The following IQGAP2 variants were observed in gnomAD, a reference collection of about 807,000 sequenced individuals.
The protein encoded by IQGAP2 is IQ motif containing GTPase activating protein 2, also known as ras GTPase-activating-like protein IQGAP2.
A neutral mutation model predicts 201.3 loss-of-function variants in IQGAP2; 173 were observed. That is an observed-to-expected ratio of 0.86 (90% CI 0.76 to 0.98). The LOEUF (loss-of-function observed/expected upper bound fraction) is 0.98, where lower values mean the gene tolerates loss of function less well. Among genes scored for constraint, IQGAP2 ranks in the 50% least tolerant of loss-of-function variants. The pLI is 0.00. For synonymous variants in IQGAP2, 675 were observed against 673.9 expected, an observed-to-expected ratio of 1.00 and a Z score of -0.03; for missense variants, 1,687 against 1,864.8, an observed-to-expected ratio of 0.90 and a Z score of 1.76.
chr5:76,632,055 CTAAG>C (rs1561532571), intron 15 of IQGAP2, 29 bp downstream of exon 15: 16 of 1,532,758 alleles, frequency 1.0e-5, no homozygotes, highest in Non-Finnish European at 1.3e-5. Flanking sequence ...TTAGCACAAA[CTAAG>C]TATTTTAAAT....
chr5:76,496,322 G>A (rs1047022563), intron 2 of IQGAP2, among the ~76,000 whole-genome samples: 3 of 152,210 alleles, frequency 2.0e-5, no homozygotes, highest in African/African-American at 7.2e-5. Context: ...TGTAGGCTCA[G>A]CTAGAAAGGC....
In IQGAP2 at chr5:76,485,399, G is replaced by A. The variant is rs35130542; in HGVS notation, c.146+23730G>A. 3.0e-4 allele frequency among the ~76,000 whole-genome samples: 45 copies of A among 152,314 alleles called. 1 individual carries two copies. Among genetic ancestry groups the A allele is most frequent in the Non-Finnish European group, 5.1e-4 (35 of 68,038 alleles). On this transcript the variant is annotated intron_variant, in intron 2 of 35. Transcript: ENST00000274364. ...TAGTTTTAGGTTCTGATTTGCTGTG[G>A]TGTAGTGAGGACAGAATTTTTCTTT...
intron 1 of IQGAP2, among the ~76,000 whole-genome samples, chr5:76,458,064 C>A (rs1754209467): frequency 6.6e-6 from 1 of 152,312 alleles, no homozygotes; most frequent in African/African-American, 2.4e-5. Context: ...AGTGACAAGT[C>A]CCTTCCTGGG....
chr5:76,640,537 C>T (rs1170454608), intron 16 of IQGAP2, among the ~76,000 whole-genome samples: 10 of 152,176 alleles, frequency 6.6e-5, no homozygotes, highest in African/African-American at 2.4e-4. Flanking sequence ...AGTCTGAGGA[C>T]CTTATGGCCA....
chr5:76,476,128 G>C (rs1174867382), intron 2 of IQGAP2, among the ~76,000 whole-genome samples: 1 of 152,198 alleles, frequency 6.6e-6, no homozygotes, highest in Non-Finnish European at 1.5e-5. Flanking sequence ...GTATTTCCAG[G>C]TAGTGATAAC....
At position 76,675,485 on chromosome 5, in the gene IQGAP2, G is replaced by A. The variant is rs73125590; in HGVS notation, c.3527+776G>A. Among the ~76,000 whole-genome samples, 954 of 152,290 alleles carry A rather than the reference G, an allele frequency of 6.3e-3. 13 individuals are homozygous for A. The highest frequency in any genetic ancestry group is 0.021 in the African/African-American group (885 of 41,562). The stretch of plus-strand genomic sequence containing the variant: ...AAGCCTTTCTTAATGACACATGTAA[G>A]AAGATTTAATTCTATTGATTTTGTG... On this transcript the variant is annotated intron_variant, in intron 27 of 35. Coordinates refer to ENST00000274364, the MANE Select transcript of IQGAP2 (RefSeq NM_006633.5).
intron 1 of IQGAP2, among the ~76,000 whole-genome samples, chr5:76,446,080 G>T (rs574629638): frequency 6.7e-4 from 102 of 152,084 alleles, no homozygotes; most frequent in Non-Finnish European, 1.2e-3. Flanking sequence ...TTGCTTATCT[G>T]CTTGTCTGTT....
At chr5:76,559,691 G>C (rs1744202585) in intron 2 of IQGAP2, among the ~76,000 whole-genome samples, 1 of 152,112 alleles carries the variant, frequency 6.6e-6, no homozygotes, top group Admixed American at 6.5e-5. Context: ...TTCATTCGAT[G>C]TCATTTCCTC....
chr5:76,403,878 C>T lies in IQGAP2; in HGVS notation c.46+287C>T, dbSNP rs1019406622. On this transcript the variant is annotated intron_variant, in intron 1 of 35. Coordinates refer to ENST00000274364, the MANE Select transcript of IQGAP2 (RefSeq NM_006633.5). This position sits in a 1 kb window ranked among gnomAD's most constrained non-coding sequence, Gnocchi z 4.8. The stretch of plus-strand genomic sequence containing the variant: ...GCGGGGATTGCGCTCTGGGACAGAC[C>T]AGGTTGGGATTTTAGGGGTATCAGG... Among the ~76,000 whole-genome samples the T allele has an allele frequency of 6.6e-6, 1 of 152,126 alleles. No individual in the cohort carries two copies. The highest frequency in any genetic ancestry group is 2.4e-5 in the African/African-American group (1 of 41,440).
At chr5:76,521,545 G>A (rs980278161) in intron 2 of IQGAP2, among the ~76,000 whole-genome samples, 12 of 152,178 alleles carry the variant, frequency 7.9e-5, no homozygotes, top group South Asian at 2.1e-4. Flanking sequence ...TTTAGGCAGC[G>A]TCTGCCATAG....
intron 2 of IQGAP2, among the ~76,000 whole-genome samples, chr5:76,476,508 A>G (rs192873872): frequency 9.8e-5 from 15 of 152,326 alleles, no homozygotes; most frequent in Non-Finnish European, 7.3e-5. Context: ...GTAGGTAGAG[A>G]AAGTGTAAAC....
chr5:76,536,761 CAAA>C (rs752757446), intron 2 of IQGAP2, among the ~76,000 whole-genome samples: 4 of 114,966 alleles, frequency 3.5e-5, no homozygotes, highest in Admixed American at 8.9e-5. Flanking sequence ...ACTCCGTCTC[CAAA>C]AAAAAAAAAA....
At chr5:76,659,603 C>A (rs1743076500) in intron 21 of IQGAP2, among the ~76,000 whole-genome samples, 1 of 152,152 alleles carries the variant, frequency 6.6e-6, no homozygotes, top group Non-Finnish European at 1.5e-5. Flanking sequence ...CAATTAGATT[C>A]TAGGCTCAGA....
chr5:76,652,882 C>G, intron 18 of IQGAP2, 49 bp downstream of exon 18: 2 of 1,195,698 alleles, frequency 1.7e-6, no homozygotes, highest in East Asian at 2.3e-5. Context: ...AACGTTTCCC[C>G]TCATTTCATG....
chr5:76,541,344 T>C (rs1035615664), intron 2 of IQGAP2, among the ~76,000 whole-genome samples: 2 of 152,236 alleles, frequency 1.3e-5, no homozygotes, highest in Non-Finnish European at 2.9e-5. Context: ...TTTCATCGTG[T>C]GGCATTTATC....
intron 5 of IQGAP2, among the ~76,000 whole-genome samples, chr5:76,586,342 A>G (rs1490092731): frequency 6.6e-6 from 1 of 151,752 alleles, no homozygotes; most frequent in East Asian, 1.9e-4. Context: ...AATGTTACAC[A>G]TATGGTAAAA....
intron 35 of IQGAP2, among the ~76,000 whole-genome samples, 187 bp downstream of exon 35, chr5:76,702,777 G>A (rs10942790): frequency 0.32 from 49,100 of 151,878 alleles, 8,076 homozygotes; most frequent in Non-Finnish European, 0.35. Flanking sequence ...ATTGGAAATT[G>A]ATATGCTTCT....
intron 1 of IQGAP2, among the ~76,000 whole-genome samples, chr5:76,408,056 G>C (rs762166177): frequency 2.4e-4 from 37 of 152,128 alleles, no homozygotes; most frequent in Non-Finnish European, 4.7e-4. Flanking sequence ...CCAAATAGGG[G>C]AATCCCAAGC....
At chr5:76,668,437 G>A (rs1349694026) in intron 22 of IQGAP2, among the ~76,000 whole-genome samples, 1 of 151,446 alleles carries the variant, frequency 6.6e-6, no homozygotes, top group Non-Finnish European at 1.5e-5. Context: ...ATGATAGGAA[G>A]CTAAAGTAGA....
Sources: allele counts gnomAD v4.1 joint callset (sites outside exome capture counted in the v4.1 genomes callset), GRCh38; gene constraint gnomAD v4.1.1; non-coding constraint Gnocchi (gnomAD v3.1); transcripts MANE v1.5; gene names NCBI Gene and HGNC (gene_info 2026-07-23, HGNC 2026-07-21).